Variants in SI observed in about 807,000 individuals in gnomAD.
SI encodes sucrase-isomaltase, intestinal.
In SI, 235 loss-of-function variants were observed where a neutral mutation model predicts 253.3. The observed-to-expected ratio is 0.93, with a 90% CI of 0.83 to 1.03. SI has a LOEUF of 1.03. Ranked by LOEUF, SI falls within the 50% of genes least tolerant of loss-of-function variation. SI has a pLI of 0.00. For synonymous variants in SI, 819 were observed against 712.0 expected, an observed-to-expected ratio of 1.15 and a Z score of -2.39; for missense variants, 2,442 against 2,211.1, an observed-to-expected ratio of 1.10 and a Z score of -2.09.
chr3:165,017,791 A>G lies in SI; in HGVS notation c.3603T>C (p.Thr1201=), dbSNP rs375285512. The G allele has an allele frequency of 6.2e-7, 1 of 1,612,832 alleles. No individual in the cohort carries two copies. The highest frequency in any genetic ancestry group is 8.5e-7 in the Non-Finnish European group (1 of 1,179,208). The change falls in exon 30 of 48, where the codon ACT becomes ACC. Residue 1201 remains threonine (T), a synonymous_variant. Coordinates refer to ENST00000264382, the MANE Select transcript of SI (RefSeq NM_001041.4). ...GGTATTGCTTTGTTGCAACTTCTGG[A>G]GTTGGGCCCAAAAACATATAAAAAT... is the stretch of plus-strand genomic sequence containing the variant. ...ILDFYMFLGP[T]PEVATKQYHE... is the part of the protein sequence containing the mutation.
chr3:165,071,751 A>G lies in SI; in HGVS notation c.256-2556T>C, dbSNP rs928147891. On this transcript the variant is annotated intron_variant, in intron 3 of 47. Coordinates refer to ENST00000264382, the MANE Select transcript of SI (RefSeq NM_001041.4). ...GAAGATCTCTTTCTCTCTGTGCACG[A>G]AGAGGAAATACTATGTGAGGACAAA... Among the ~76,000 whole-genome samples the G allele has an allele frequency of 2.1e-4, 32 of 152,198 alleles. 1 individual carries two copies. The highest frequency in any genetic ancestry group is 7.7e-4 in the African/African-American group (32 of 41,560).
In SI at chr3:165,037,792, A is replaced by G. The variant is rs1301776396; in HGVS notation, c.2426+108T>C. 6.3e-6 allele frequency: 5 copies of G among 797,668 alleles called. No homozygotes were observed. In the East Asian group the frequency reaches 8.2e-5, roughly 13 times the overall value. The allele number at this position is 797,668 out of a possible 1,614,324, so 49.4% of individuals were successfully genotyped here. A position where few individuals can be genotyped will look rare whatever the true frequency, so the allele number is the denominator to read the frequency against. On this transcript the variant is annotated intron_variant, in intron 21 of 47. Coordinates refer to ENST00000264382, the MANE Select transcript of SI (RefSeq NM_001041.4). ...GTTCAGTATTACCTCTGTATGTCAA[A>G]TATCTTCTGGTGCAGAAACTAAATA...
Position 165,010,399 on chromosome 3 carries a change from G to A in SI, c.4063-1004C>T, listed in dbSNP as rs577779512. On this transcript the variant is annotated intron_variant, in intron 34 of 47. Transcript: ENST00000264382. Reference sequence around the variant, plus strand: ...TTGTCTCAAACTCCTGACCTCAGGTGATCCACACGCCTCGGCCTCCCAAAG... The same window carrying A: ...TTGTCTCAAACTCCTGACCTCAGGTAATCCACACGCCTCGGCCTCCCAAAG... 2.2e-4 allele frequency among the ~76,000 whole-genome samples: 34 copies of A among 152,284 alleles called. No homozygotes were observed. The East Asian group carries it at 6.2e-3, about 28-fold the overall frequency.
intron 37 of SI, among the ~76,000 whole-genome samples, chr3:165,002,813 A>T (rs1718315871): frequency 6.6e-6 from 1 of 151,804 alleles, no homozygotes; most frequent in Non-Finnish European, 1.5e-5. Flanking sequence ...TGAAAAATAT[A>T]AGACTGTATA....
At chr3:165,063,699 T>C (rs1167998737) in intron 7 of SI, among the ~76,000 whole-genome samples, 158 bp from the exon 8 acceptor site, 1 of 151,128 alleles carries the variant, frequency 6.6e-6, no homozygotes, top group Non-Finnish European at 1.5e-5. Context: ...TGAAATATTA[T>C]AGGTAAAACA....
At position 165,017,864 on chromosome 3, in the gene SI, A is replaced by C; in HGVS notation, c.3530T>G (p.Phe1177Cys). Residue 1177 changes from phenylalanine (F) to cysteine (C), a missense_variant, in exon 30 of 48, where the codon TTC (phenylalanine) becomes TGC (cysteine). Physicochemically the swap from Phe to Cys is radical, Grantham distance 205. Transcript: ENST00000264382. ...LLNSNAMDVT[F>C]QPTPALTYRT... The stretch of plus-strand genomic sequence containing the variant: ...GTAAGTTAGAGCAGGAGTTGGCTGG[A>C]ATGTAACATCTGGAAATCCAAAATA... 1 of 1,612,024 alleles carries C rather than the reference A, an allele frequency of 6.2e-7. No homozygotes were observed. The highest frequency in any genetic ancestry group is 8.5e-7 in the Non-Finnish European group (1 of 1,178,414).
intron 7 of SI, 120 bp downstream of exon 7, chr3:165,065,141 T>A (rs1714171877): frequency 3.0e-6 from 2 of 668,326 alleles, no homozygotes; most frequent in African/African-American, 3.6e-5. Flanking sequence ...TATATTGGTA[T>A]CAGTGACATT....
chr3:164,986,369 G>A (rs1023849795), intron 45 of SI, among the ~76,000 whole-genome samples: 1 of 152,222 alleles, frequency 6.6e-6, no homozygotes, highest in South Asian at 2.1e-4. Flanking sequence ...GCTTTTCTGT[G>A]TAACAGCTGG....
In SI at chr3:164,992,386, T is replaced by C. The variant is rs1166781648; in HGVS notation, c.4853A>G (p.Glu1618Gly). The C allele has an allele frequency of 6.2e-7, 1 of 1,609,814 alleles. No homozygotes were observed. Among genetic ancestry groups the C allele is most frequent in the Non-Finnish European group, 8.5e-7 (1 of 1,177,638 alleles). Reference protein sequence around the residue: ...IRPLLHEFFDEKPTWDIFKQF... With the variant: ...IRPLLHEFFDGKPTWDIFKQF... ...CTTGAATATATCCCAGGTTGGTTTT[T>C]CATCAAAGAACCTCGACAAAATTAT... The change falls in exon 42 of 48, where the codon GAA becomes GGA. Residue 1618 changes from glutamate (E) to glycine (G), a missense_variant. Physicochemically the swap from Glu to Gly is moderately conservative, Grantham distance 98. Transcript: ENST00000264382.
At chr3:165,032,478 T>G in intron 24 of SI, 44 bp downstream of exon 24, 49 of 1,288,984 alleles carry the variant, frequency 3.8e-5, no homozygotes, top group Non-Finnish European at 5.1e-5. Flanking sequence ...ATATTAAATA[T>G]GAGATTATAT....
intron 21 of SI, 145 bp downstream of exon 21, chr3:165,037,755 A>G (rs2108213515): frequency 2.0e-6 from 1 of 512,406 alleles, no homozygotes; most frequent in Admixed American, 3.1e-5. Flanking sequence ...TTTTATAGCT[A>G]TGATGGTTAT....
intron 22 of SI, among the ~76,000 whole-genome samples, chr3:165,034,968 G>C (rs867108873): frequency 6.6e-6 from 1 of 151,942 alleles, no homozygotes; most frequent in South Asian, 2.1e-4. Flanking sequence ...GACAGTGGGG[G>C]AACTGATGAG....
chr3:165,021,213 T>G lies in SI; in HGVS notation c.3254+16A>C, dbSNP rs899851353. 6.2e-7 allele frequency: 1 copy of G among 1,604,786 alleles called. No individual in the cohort carries two copies. Among genetic ancestry groups the G allele is most frequent in the Admixed American group, 1.7e-5 (1 of 59,658 alleles). ...AAATTAAAATATCCTTTATATCAAA[T>G]AATTCAATTACTTACATGACTCTTC... On this transcript the variant is annotated intron_variant, in intron 27 of 47. Transcript: ENST00000264382.
intron 3 of SI, among the ~76,000 whole-genome samples, chr3:165,071,093 C>G (rs1488695958): frequency 1.3e-5 from 2 of 152,100 alleles, no homozygotes; most frequent in Non-Finnish European, 2.9e-5. Flanking sequence ...AATTAATTTA[C>G]TACGACTACA....
intron 13 of SI, among the ~76,000 whole-genome samples, chr3:165,052,948 A>T (rs142222023): frequency 6.6e-6 from 1 of 151,014 alleles, no homozygotes; most frequent in African/African-American, 2.4e-5. Flanking sequence ...TATATATTAA[A>T]TTATTCAGTT....
chr3:165,030,887 AAAAG>A lies in SI; in HGVS notation c.2737-24_2737-21del. On this transcript the variant is annotated intron_variant, in intron 24 of 47. Coordinates refer to ENST00000264382, the MANE Select transcript of SI (RefSeq NM_001041.4). ...GAGAACCTTTGAAGACAAAAAAAAA[AAAAG>A]AAAAAAAGAAAAAAAAAACACAAAC... 5 of 1,523,946 alleles carry A rather than the reference AAAAG, an allele frequency of 3.3e-6. No individual in the cohort carries two copies. The highest frequency in any genetic ancestry group is 2.6e-6 in the Non-Finnish European group (3 of 1,137,810). The allele number at this position is 1,523,946 out of a possible 1,614,324, so 94.4% of individuals were successfully genotyped here. A position where few individuals can be genotyped will look rare whatever the true frequency, so the allele number is the denominator to read the frequency against.
rs773851366 is a variant in SI, at chr3:164,994,269, G to T, written c.4829C>A (p.Pro1610His). 1 of 1,610,606 alleles carries T rather than the reference G, an allele frequency of 6.2e-7. No individual in the cohort carries two copies. Among genetic ancestry groups the T allele is most frequent in the South Asian group, 1.1e-5 (1 of 91,022 alleles). ...IHANGGTVIRPLLHEFFDEKP... is the reference protein window; with the variant it reads ...IHANGGTVIRHLLHEFFDEKP... ...ACTTTGTACTTACTCATGCAAAAGG[G>T]GTCGGATAACAGTGCCACCATTAGC... Residue 1610 changes from proline to histidine, a missense_variant, in exon 41 of 48, where the codon CCC becomes CAC. Coordinates refer to ENST00000264382, the MANE Select transcript of SI (RefSeq NM_001041.4).
At chr3:164,995,601 A>C (rs1405185312) in intron 40 of SI, among the ~76,000 whole-genome samples, 1 of 151,576 alleles carries the variant, frequency 6.6e-6, no homozygotes, top group African/African-American at 2.4e-5. Context: ...CACCAACCAC[A>C]TTACAATCAT....
chr3:165,003,677 A>G (rs931211581), intron 37 of SI, among the ~76,000 whole-genome samples: 1 of 152,048 alleles, frequency 6.6e-6, no homozygotes, highest in South Asian at 2.1e-4. Flanking sequence ...GAAGTTTTCA[A>G]CCCTGTCTGC....
Sources: gnomAD v4.1 joint callset for allele counts (sites outside exome capture counted in the v4.1 genomes callset) on GRCh38, gnomAD v4.1.1 for gene constraint, MANE v1.5 for transcripts, NCBI Gene and HGNC (gene_info 2026-07-23, HGNC 2026-07-21) for gene names.